CIP2A: variants seen among roughly 807,000 people sequenced by gnomAD.
CIP2A encodes cellular inhibitor of PP2A, also known as protein CIP2A.
A neutral mutation model predicts 110.9 loss-of-function variants in CIP2A; 103 were observed. The observed-to-expected ratio is 0.93, with a 90% CI of 0.79 to 1.09. The LOEUF is 1.09. Ranked by LOEUF, CIP2A falls within the 50% of genes least tolerant of loss-of-function variation. The pLI is 0.00. For synonymous variants in CIP2A, 381 were observed against 361.6 expected (o/e 1.05, Z -0.61); for missense variants, 1,088 against 1,038.4 (o/e 1.05, Z -0.66).
At chr3:108,566,119 A>G (rs536764082) in intron 11 of CIP2A, among the ~76,000 whole-genome samples, 2 of 151,884 alleles carry the variant, frequency 1.3e-5, no homozygotes, top group South Asian at 4.1e-4. Flanking sequence ...AAAAGCCTTT[A>G]GCAGTGACTG....
Position 108,560,712 on chromosome 3 carries a change from CAAATGAGGAGTT to C in CIP2A, c.1752_1763del (p.Thr585_Leu588del), listed in dbSNP as rs1490365233. On this transcript the variant is annotated inframe_deletion, in exon 14 of 21. Transcript: ENST00000295746. ...TATTCAATCCAGGAACACCATCTTTCAAATGAGGAGTTAAACACTTTATTGATGTTGGAAAAC... is the reference window on the plus strand; with the variant it reads ...TATTCAATCCAGGAACACCATCTTTCAAACACTTTATTGATGTTGGAAAAC... 1 of 1,611,174 alleles carries C rather than the reference CAAATGAGGAGTT, an allele frequency of 6.2e-7. No homozygotes were observed. The highest frequency in any genetic ancestry group is 2.2e-5 in the East Asian group (1 of 44,802).
chr3:108,551,727 TC>T (rs1252824217), intron 20 of CIP2A, among the ~76,000 whole-genome samples: 1 of 152,104 alleles, frequency 6.6e-6, no homozygotes, highest in Non-Finnish European at 1.5e-5. Flanking sequence ...GTTCTCATCT[TC>T]CTGGTAGTAA....
intron 16 of CIP2A, among the ~76,000 whole-genome samples, chr3:108,558,045 T>A (rs1937871347): frequency 6.6e-6 from 1 of 152,150 alleles, no homozygotes; most frequent in South Asian, 2.1e-4. Context: ...AGTTATTTAG[T>A]GCTATTTTTA....
intron 1 of CIP2A, 142 bp downstream of exon 1, chr3:108,589,132 C>A: frequency 1.6e-6 from 1 of 634,254 alleles, no homozygotes; most frequent in South Asian, 2.0e-5. Context: ...CACTCACTAG[C>A]CTTTACCAGT....
chr3:108,563,059 G>A, intron 13 of CIP2A, 67 bp downstream of exon 13: 2 of 953,662 alleles, frequency 2.1e-6, no homozygotes. Context: ...TCTATACTGA[G>A]GACTAAAGAG....
At chr3:108,564,474 C>T (rs1052056458) in intron 12 of CIP2A, among the ~76,000 whole-genome samples, 7 of 151,844 alleles carry the variant, frequency 4.6e-5, no homozygotes, top group African/African-American at 7.2e-5. Flanking sequence ...TTTTAAGAGG[C>T]TAATATTTTG....
chr3:108,589,222 A>G, intron 1 of CIP2A, 52 bp downstream of exon 1: 2 of 1,388,044 alleles, frequency 1.4e-6, no homozygotes, highest in Non-Finnish European at 2.0e-6. Flanking sequence ...TCACTGTGAA[A>G]TAAGAATTGC....
At position 108,582,971 on chromosome 3, in the gene CIP2A, G is replaced by C; in HGVS notation, c.357+6C>G. 1 of 1,585,542 alleles carries C rather than the reference G, an allele frequency of 6.3e-7. No individual in the cohort carries two copies. The highest frequency in any genetic ancestry group is 1.1e-5 in the South Asian group (1 of 89,382). On this transcript the variant is annotated splice_donor_region_variant and intron_variant, in intron 3 of 20. Transcript: ENST00000295746. ...AAAGGGGAATACACTGTGTGGGTCT[G>C]TATACCTGCAAAAACACCGAATCAG...
At chr3:108,553,959 A>ATCTTG (rs1231800152) in intron 18 of CIP2A, among the ~76,000 whole-genome samples, 1 of 147,572 alleles carries the variant, frequency 6.8e-6, no homozygotes, top group Non-Finnish European at 1.5e-5. Context: ...CAGTGGCATG[A>ATCTTG]TCTTGTGCTC....
Position 108,554,424 on chromosome 3 carries a change from A to G in CIP2A, c.2276T>C (p.Ile759Thr), listed in dbSNP as rs766260707. The change falls in exon 18 of 21, where the codon ATT (isoleucine) becomes ACT (threonine). Residue 759 changes from isoleucine (I) to threonine (T), a missense_variant. Coordinates refer to ENST00000295746, the MANE Select transcript of CIP2A (RefSeq NM_020890.3). ...CTCATTCAACTTTTTCACTGTCTCA[A>G]TTTGTTTATTCAGAGAATCACATGT... ...QITCDSLNKQIETVKKLNESL... is the reference protein window; with the variant it reads ...QITCDSLNKQTETVKKLNESL... 1.9e-6 allele frequency: 3 copies of G among 1,567,488 alleles called. No individual in the cohort carries two copies. Among genetic ancestry groups the G allele is most frequent in the Non-Finnish European group, 2.6e-6 (3 of 1,142,684 alleles).
chr3:108,570,384 T>C (rs1938347471), intron 8 of CIP2A, among the ~76,000 whole-genome samples: 1 of 152,152 alleles, frequency 6.6e-6, no homozygotes, highest in African/African-American at 2.4e-5. Flanking sequence ...CAAATGATAA[T>C]CTTTAATAAA....
chr3:108,554,077 G>T (rs1214888294), intron 18 of CIP2A, among the ~76,000 whole-genome samples: 1 of 151,592 alleles, frequency 6.6e-6, no homozygotes. Context: ...TGTATTTTCA[G>T]TATTTACAGA....
rs1174286853 is a variant in CIP2A, at chr3:108,581,515, T to C, written c.453-4A>G. On this transcript the variant is annotated splice_polypyrimidine_tract_variant and splice_region_variant and intron_variant, in intron 4 of 20. Transcript: ENST00000295746. ...TAACTCATCTTCAGAAGATTGACTG[T>C]TGTTTTACATTGGTGTTTTGTTTAA... is the stretch of plus-strand genomic sequence containing the variant. The C allele has an allele frequency of 1.3e-6, 2 of 1,551,158 alleles. No individual in the cohort carries two copies. The highest frequency in any genetic ancestry group is 2.3e-5 in the South Asian group (2 of 88,568).
Position 108,581,438 on chromosome 3 carries a change from C to T in CIP2A, c.526G>A (p.Val176Ile). ...LANLCRHNLS[V>I]QTHIKTLSNV... ...ACCAATGTCTTTATGTGCGTTTGAACAGAAAGATTGTGCCGACAAAGATTT... is the reference window on the plus strand; with the variant it reads ...ACCAATGTCTTTATGTGCGTTTGAATAGAAAGATTGTGCCGACAAAGATTT... The change falls in exon 5 of 21, where the codon GTT (valine) becomes ATT (isoleucine). Residue 176 changes from valine (V) to isoleucine (I), a missense_variant. Physicochemically the swap from Val to Ile is conservative, Grantham distance 29. Transcript: ENST00000295746. The T allele has an allele frequency of 6.2e-7, 1 of 1,612,260 alleles. No homozygotes were observed. The highest frequency in any genetic ancestry group is 8.5e-7 in the Non-Finnish European group (1 of 1,178,604).
In CIP2A at chr3:108,575,676, T is replaced by A. The variant is rs190740915; in HGVS notation, c.894+595A>T. 8.4e-3 allele frequency among the ~76,000 whole-genome samples: 394 copies of A among 46,730 alleles called. 43 individuals carry two copies. The highest frequency in any genetic ancestry group is 0.034 in the African/African-American group (364 of 10,696). The allele number at this position is 46,730 out of a possible 152,430, so 30.7% of individuals were successfully genotyped here. On this transcript the variant is annotated intron_variant, in intron 8 of 20. Coordinates refer to ENST00000295746, the MANE Select transcript of CIP2A (RefSeq NM_020890.3). Reference sequence around the variant, plus strand: ...TGTGTATATATACGTGTATATATACTCATATACATGAGTATATATACGTGT... The same window carrying A: ...TGTGTATATATACGTGTATATATACACATATACATGAGTATATATACGTGT...
At chr3:108,554,034 T>C (rs1037267828) in intron 18 of CIP2A, among the ~76,000 whole-genome samples, 2 of 151,008 alleles carry the variant, frequency 1.3e-5, no homozygotes, top group African/African-American at 2.4e-5. Flanking sequence ...TAGCGGAGAT[T>C]ACAGGCACCC....
Position 108,589,381 on chromosome 3 carries a change from C to T in CIP2A, c.-6G>A. On this transcript the variant is annotated 5_prime_UTR_variant, in exon 1 of 21. Transcript: ENST00000295746. ...AAGCAGGCAGTGGAGTCCATTGCAC[C>T]GGCCGCGGCCCGGCTTAGGGACCAC... is the stretch of plus-strand genomic sequence containing the variant. The T allele has an allele frequency of 6.2e-7, 1 of 1,606,576 alleles. No homozygotes were observed. Among genetic ancestry groups the T allele is most frequent in the Non-Finnish European group, 8.5e-7 (1 of 1,174,820 alleles).
chr3:108,577,481 C>T (rs569462330), intron 7 of CIP2A, among the ~76,000 whole-genome samples: 1 of 152,192 alleles, frequency 6.6e-6, no homozygotes, highest in South Asian at 2.1e-4. Context: ...AACATAGGTA[C>T]GTTTGTCCAG....
intron 13 of CIP2A, among the ~76,000 whole-genome samples, chr3:108,561,573 T>C (rs1043023724): frequency 6.6e-6 from 1 of 151,858 alleles, no homozygotes; most frequent in African/African-American, 2.4e-5. Context: ...GGGGGTTGAG[T>C]TGGGAATATC....
Sources: allele counts gnomAD v4.1 joint callset (sites outside exome capture counted in the v4.1 genomes callset), GRCh38; gene constraint gnomAD v4.1.1; transcripts MANE v1.5; gene names NCBI Gene and HGNC (gene_info 2026-07-23, HGNC 2026-07-21).